PANK2: variants seen among roughly 807,000 people sequenced by gnomAD.
The protein encoded by PANK2 is pantothenate kinase 2, mitochondrial.
In PANK2, 36 loss-of-function variants were observed where a neutral mutation model predicts 43.1. That is an observed-to-expected ratio of 0.84 (90% CI 0.64 to 1.10). The LOEUF (loss-of-function observed/expected upper bound fraction) is 1.10, where lower values mean the gene tolerates loss of function less well. PANK2 is among the 50% of genes least tolerant of loss of function. PANK2 has a pLI of 0.00. For missense variants in PANK2, 576 were observed against 593.3 expected, an observed-to-expected ratio of 0.97 and a Z score of 0.30; for synonymous variants, 281 against 238.2, an observed-to-expected ratio of 1.18 and a Z score of -1.66.
intron 1 of PANK2, among the ~76,000 whole-genome samples, chr20:3,891,950 T>C (rs1297567972): frequency 6.6e-6 from 1 of 152,244 alleles, no homozygotes; most frequent in Non-Finnish European, 1.5e-5. Flanking sequence ...AACCCATCTT[T>C]CCAGTATAAG....
intron 4 of PANK2, among the ~76,000 whole-genome samples, chr20:3,915,604 TC>T (rs1368274803): frequency 1.3e-5 from 2 of 152,198 alleles, no homozygotes; most frequent in South Asian, 4.1e-4. Context: ...CAGTTTTAGC[TC>T]TTATATTTAG....
chr20:3,906,043 G>A (rs989312837), intron 1 of PANK2, among the ~76,000 whole-genome samples: 1 of 151,986 alleles, frequency 6.6e-6, no homozygotes, highest in Non-Finnish European at 1.5e-5. Context: ...TAATTTCTAC[G>A]ATTTAGATTG....
chr20:3,921,435 C>G (rs1004762380), intron 6 of PANK2: 1 of 152,120 alleles, frequency 6.6e-6, no homozygotes, highest in African/African-American at 2.4e-5. Context: ...TTATAACCAC[C>G]TGTTTCTGTC....
At chr20:3,891,542 G>A (rs2090123054) in intron 1 of PANK2, 1 of 152,180 alleles carries the variant, frequency 6.6e-6, no homozygotes. Context: ...GTGGACCACT[G>A]TGTTTTTCTG....
At chr20:3,922,130 G>A (rs73084570) in intron 6 of PANK2, among the ~76,000 whole-genome samples, 27 of 152,324 alleles carry the variant, frequency 1.8e-4, no homozygotes, top group Non-Finnish European at 3.2e-4. Flanking sequence ...TTATGTTTCA[G>A]AGACTTTTAA....
At chr20:3,900,832 G>C (rs1011023380) in intron 1 of PANK2, among the ~76,000 whole-genome samples, 1 of 151,632 alleles carries the variant, frequency 6.6e-6, no homozygotes, top group Non-Finnish European at 1.5e-5. Context: ...GCAGTGGTGC[G>C]ATCTTGGCTC....
intron 1 of PANK2, among the ~76,000 whole-genome samples, chr20:3,899,818 C>A (rs894045822): frequency 2.3e-4 from 34 of 150,814 alleles, no homozygotes; most frequent in Non-Finnish European, 5.9e-5. Context: ...CACCATTCTC[C>A]TGCCTCAGCC....
chr20:3,903,559 T>C (rs2090339799), intron 1 of PANK2, among the ~76,000 whole-genome samples: 1 of 146,498 alleles, frequency 6.8e-6, no homozygotes, highest in African/African-American at 2.5e-5. Context: ...CTCTGCCTCC[T>C]GGTTCAAGTG....
At chr20:3,903,664 G>T (rs1029553829) in intron 1 of PANK2, among the ~76,000 whole-genome samples, 10 of 149,164 alleles carry the variant, frequency 6.7e-5, no homozygotes. Flanking sequence ...GTCTCACTCC[G>T]TTGCCCAGGC....
intron 1 of PANK2, 108 bp downstream of exon 1, chr20:3,889,836 C>T (rs1377524261): frequency 3.9e-6 from 6 of 1,536,878 alleles, no homozygotes; most frequent in Non-Finnish European, 3.5e-6. Context: ...ACACTGTCCC[C>T]GCACGGTGGT....
Position 3,926,555 on chromosome 20 carries a change from T to C in PANK2, c.*3261T>C, listed in dbSNP as rs911554475. The C allele has an allele frequency of 6.6e-6, 1 of 152,324 alleles. No individual in the cohort carries two copies. Among genetic ancestry groups the C allele is most frequent in the Non-Finnish European group, 1.5e-5 (1 of 68,192 alleles). The allele number at this position is 152,324 out of a possible 1,614,324, so 9.4% of individuals were successfully genotyped here. On this transcript the variant is annotated 3_prime_UTR_variant, in exon 7 of 7. Coordinates refer to ENST00000610179, the MANE Select transcript of PANK2 (RefSeq NM_001386393.1). Reference sequence around the variant, plus strand: ...CTTTGGACGTTTTTTCTCCTGACACTAGTTATTTCCAGGCCTGGGATATAG... The same window carrying C: ...CTTTGGACGTTTTTTCTCCTGACACCAGTTATTTCCAGGCCTGGGATATAG...
At chr20:3,919,413 T>C (rs2090614633) in intron 6 of PANK2, among the ~76,000 whole-genome samples, 1 of 152,236 alleles carries the variant, frequency 6.6e-6, no homozygotes, top group African/African-American at 2.4e-5. Context: ...GTCATTACTC[T>C]GGGTTCTGGT....
At chr20:3,915,841 C>G (rs2090551699) in intron 4 of PANK2, among the ~76,000 whole-genome samples, 1 of 152,114 alleles carries the variant, frequency 6.6e-6, no homozygotes, top group Non-Finnish European at 1.5e-5. Context: ...ATATATATGT[C>G]TGTTTTTATA....
intron 1 of PANK2, among the ~76,000 whole-genome samples, chr20:3,899,703 C>CTTTT (rs11469308): frequency 6.7e-5 from 6 of 88,998 alleles, no homozygotes; most frequent in Admixed American, 1.5e-4. Context: ...ATCAGTTGTA[C>CTTTT]TTTTTTTTTT....
upstream of PANK2, chr20:3,888,958 C>T (rs1026991976): frequency 2.1e-5 from 13 of 604,888 alleles, no homozygotes; most frequent in Admixed American, 6.6e-5. Context: ...CCAGACGCTG[C>T]GGGAGCACTG....
intron 4 of PANK2, 138 bp downstream of exon 4, chr20:3,912,772 T>C: frequency 1.1e-6 from 1 of 888,656 alleles, no homozygotes; most frequent in Non-Finnish European, 1.7e-6. Context: ...CAACATAGTG[T>C]AACCCTGTCT....
chr20:3,914,069 G>T (rs182516981), intron 4 of PANK2, among the ~76,000 whole-genome samples: 1,648 of 152,042 alleles, frequency 0.011, 28 homozygotes, highest in South Asian at 0.022. Flanking sequence ...GATTACAGGC[G>T]TGAGCCACTG....
intron 1 of PANK2, among the ~76,000 whole-genome samples, chr20:3,899,869 G>A (rs1015231706): frequency 2.6e-5 from 4 of 151,632 alleles, no homozygotes; most frequent in Non-Finnish European, 5.9e-5. Flanking sequence ...CACCATGCCC[G>A]GCTAATGTTT....
chr20:3,920,005 A>G (rs2090622389), intron 6 of PANK2, among the ~76,000 whole-genome samples: 1 of 152,176 alleles, frequency 6.6e-6, no homozygotes, highest in Admixed American at 6.5e-5. Context: ...AAATTCTAAC[A>G]TTACTGTATT....
Sources: allele counts gnomAD v4.1 joint callset (sites outside exome capture counted in the v4.1 genomes callset), GRCh38; gene constraint gnomAD v4.1.1; transcripts MANE v1.5; gene names NCBI Gene and HGNC (gene_info 2026-07-23, HGNC 2026-07-21).